The following QTGAL variants were observed in gnomAD, a reference collection of about 807,000 sequenced individuals.
QTGAL encodes queuosine-tRNA galactosyltransferase.
At chr17:83,020,408 T>C in the QTGAL span, among the ~76,000 whole-genome samples, 1 of 152,150 alleles carries the variant, frequency 6.6e-6, no homozygotes, top group African/African-American at 2.4e-5. Flanking sequence ...AACGGACGAA[T>C]AAGTTGCTTC....
At chr17:82,967,900 A>C in the QTGAL span, among the ~76,000 whole-genome samples, 29 of 152,172 alleles carry the variant, frequency 1.9e-4, no homozygotes, top group South Asian at 4.6e-3. Flanking sequence ...GCACCACAGC[A>C]CTCACTCCAG....
chr17:83,050,606 T>G, the QTGAL span, among the ~76,000 whole-genome samples: 32,632 of 152,090 alleles, frequency 0.21, 3,578 homozygotes, highest in Non-Finnish European at 0.23. Flanking sequence ...ACAGAAAACA[T>G]GCTGAGCCTT....
the QTGAL span, chr17:82,947,308 G>A: frequency 3.0e-6 from 1 of 337,248 alleles, no homozygotes; most frequent in Admixed American, 4.6e-5. Context: ...TGTTTGACCA[G>A]GGCAGACCCA....
the QTGAL span, among the ~76,000 whole-genome samples, chr17:83,009,906 C>A: frequency 4.6e-5 from 7 of 151,026 alleles, no homozygotes; most frequent in African/African-American, 1.7e-4. Flanking sequence ...GGGGCCACTG[C>A]CTTGGAGTGA....
chr17:82,975,155 T>G, the QTGAL span, among the ~76,000 whole-genome samples: 2 of 45,182 alleles, frequency 4.4e-5, no homozygotes. Flanking sequence ...AGGCCACTTA[T>G]GGGGAACGAG....
the QTGAL span, among the ~76,000 whole-genome samples, chr17:83,029,129 G>A: frequency 4.9e-3 from 753 of 152,292 alleles, 2 homozygotes; most frequent in South Asian, 0.019. Flanking sequence ...ACCTTGACTG[G>A]GGTGTGAGTT....
chr17:82,957,512 G>T, the QTGAL span: 5 of 1,589,696 alleles, frequency 3.1e-6, no homozygotes, highest in Non-Finnish European at 3.4e-6. Context: ...GGAGAAGAGG[G>T]TGATAGGCAG....
chr17:82,958,274 G>C, the QTGAL span, among the ~76,000 whole-genome samples: 2 of 152,196 alleles, frequency 1.3e-5, no homozygotes, highest in African/African-American at 4.8e-5. Flanking sequence ...CCCAGATGCT[G>C]TCCTCCCCAA....
chr17:83,038,354 C>T, the QTGAL span, among the ~76,000 whole-genome samples: 13 of 152,210 alleles, frequency 8.5e-5, no homozygotes, highest in African/African-American at 2.9e-4. Flanking sequence ...AACTTTACAA[C>T]GGATTGTTTT....
the QTGAL span, among the ~76,000 whole-genome samples, chr17:82,968,727 C>T: frequency 6.6e-6 from 1 of 152,200 alleles, no homozygotes; most frequent in East Asian, 1.9e-4. Flanking sequence ...TGGCCGGGCG[C>T]GGTGGCTCAC....
the QTGAL span, chr17:83,004,968 G>A: frequency 1.6e-6 from 1 of 617,508 alleles, no homozygotes; most frequent in Non-Finnish European, 2.7e-6. Flanking sequence ...CTTCCACTCT[G>A]TGCGATTGAT....
At chr17:82,972,456 T>TGACCA in the QTGAL span, among the ~76,000 whole-genome samples, 1 of 108,288 alleles carries the variant, frequency 9.2e-6, no homozygotes, top group African/African-American at 4.4e-5. Flanking sequence ...GACCTGGTGC[T>TGACCA]GACCACACCA....
At chr17:82,981,900 A>G in the QTGAL span, among the ~76,000 whole-genome samples, 3 of 152,292 alleles carry the variant, frequency 2.0e-5, no homozygotes, top group Non-Finnish European at 4.4e-5. Context: ...TGGAGAAAAG[A>G]AAGTGTTACT....
the QTGAL span, chr17:82,943,843 C>G: frequency 6.6e-6 from 1 of 152,268 alleles, no homozygotes; most frequent in Non-Finnish European, 1.5e-5. Context: ...GGGTCTCCTC[C>G]TCCTTGAACT....
the QTGAL span, among the ~76,000 whole-genome samples, chr17:83,028,262 C>T: frequency 2.0e-5 from 3 of 151,860 alleles, no homozygotes; most frequent in East Asian, 1.9e-4. Context: ...CGGTGGCTCA[C>T]ACCTGTAATC....
chr17:82,970,913 C>T, the QTGAL span, among the ~76,000 whole-genome samples: 19 of 152,298 alleles, frequency 1.2e-4, no homozygotes, highest in East Asian at 7.7e-4. Flanking sequence ...TGCTTTAACC[C>T]GGGTGGAGAG....
chr17:83,042,638 A>C, the QTGAL span, among the ~76,000 whole-genome samples: 6 of 152,242 alleles, frequency 3.9e-5, no homozygotes, highest in Non-Finnish European at 8.8e-5. Flanking sequence ...GGATTGAGGA[A>C]TAAAAAAGAC....
chr17:82,952,854 AAC>A, the QTGAL span, among the ~76,000 whole-genome samples: 1 of 152,240 alleles, frequency 6.6e-6, no homozygotes, highest in African/African-American at 2.4e-5. Flanking sequence ...AGTCTTTCAG[AAC>A]ACAGTGCAAT....
At chr17:82,954,150 C>G in the QTGAL span, among the ~76,000 whole-genome samples, 1 of 152,140 alleles carries the variant, frequency 6.6e-6, no homozygotes, top group Non-Finnish European at 1.5e-5. Context: ...CCAGGGCAAT[C>G]AGGCAAGAGA....
Sources: allele counts gnomAD v4.1 joint callset (sites outside exome capture counted in the v4.1 genomes callset), GRCh38; gene constraint gnomAD v4.1.1; transcripts MANE v1.5; gene names NCBI Gene and HGNC (gene_info 2026-07-23, HGNC 2026-07-21).